Variants in ANK2 observed in about 807,000 individuals in gnomAD.
The protein encoded by ANK2 is ankyrin-2.
In ANK2, 83 loss-of-function variants were observed where a neutral mutation model predicts 360.5. The ratio of observed to expected loss-of-function variants is 0.23; its 90% CI spans 0.19 to 0.28. ANK2 has a LOEUF of 0.28. ANK2 is among the 10% of genes least tolerant of loss of function. The pLI, the probability that ANK2 is intolerant of heterozygous loss-of-function variation, is 1.00. For synonymous variants in ANK2, 1,740 were observed against 1,759.5 expected (o/e 0.99, Z 0.28); for missense variants, 4,201 against 4,795.7 (o/e 0.88, Z 3.66).
chr4:113,216,533 C>G (rs952994445), intron 4 of ANK2, among the ~76,000 whole-genome samples: 1 of 152,168 alleles, frequency 6.6e-6, no homozygotes, highest in Non-Finnish European at 1.5e-5. Context: ...GCAATTAGGC[C>G]TGTTAGGGCA....
intron 10 of ANK2, among the ~76,000 whole-genome samples, chr4:113,253,887 C>T (rs1213664571): frequency 6.6e-6 from 1 of 152,202 alleles, no homozygotes; most frequent in Non-Finnish European, 1.5e-5. Flanking sequence ...GAGTAAAAGT[C>T]AAACCTGCAA....
At chr4:112,972,968 A>G (rs774400984) in intron 2 of ANK2, among the ~76,000 whole-genome samples, 1 of 152,160 alleles carries the variant, frequency 6.6e-6, no homozygotes, top group African/African-American at 2.4e-5. Flanking sequence ...GAGCTAAGCT[A>G]TGAGGATGCA....
At chr4:113,029,580 TC>T (rs1480134754) in intron 2 of ANK2, among the ~76,000 whole-genome samples, 1 of 152,034 alleles carries the variant, frequency 6.6e-6, no homozygotes, top group Non-Finnish European at 1.5e-5. Flanking sequence ...CCGGAGTTCT[TC>T]TTTAGAAAAT....
the ANK2 span, among the ~76,000 whole-genome samples, chr4:112,789,549 T>C: frequency 6.6e-6 from 1 of 152,240 alleles, no homozygotes; most frequent in Non-Finnish European, 1.5e-5. Context: ...CTTATATTTA[T>C]TAACTTAGAA....
At chr4:113,177,654 C>T (rs971988684) in intron 2 of ANK2, among the ~76,000 whole-genome samples, 6 of 152,306 alleles carry the variant, frequency 3.9e-5, no homozygotes, top group African/African-American at 1.2e-4. Context: ...ATACTCAATT[C>T]TTATCATATT....
At chr4:113,021,541 C>CACACACATATATATATAT (rs1489947974) in intron 2 of ANK2, among the ~76,000 whole-genome samples, 4 of 95,572 alleles carry the variant, frequency 4.2e-5, no homozygotes, top group African/African-American at 1.5e-4. Flanking sequence ...CACACACAAA[C>CACACACATATATATATAT]ATATATATAT....
chr4:113,283,382 A>G (rs186755764), intron 18 of ANK2, among the ~76,000 whole-genome samples: 35 of 152,236 alleles, frequency 2.3e-4, no homozygotes, highest in African/African-American at 8.2e-4. Flanking sequence ...GAGAGAGGAA[A>G]CTCAATAAAA....
Position 113,102,873 on chromosome 4 carries a change from C to A in ANK2, c.84+53061C>A, listed in dbSNP as rs577169544. ...AGGACTAACTTCATTTTCAGTTCCT[C>A]TTCACTTTCCCAAGTTATTTTCCTA... is the stretch of plus-strand genomic sequence containing the variant. On this transcript the variant is annotated intron_variant, in intron 1 of 45. Transcript: ENST00000357077. 3.7e-4 allele frequency among the ~76,000 whole-genome samples: 57 copies of A among 152,226 alleles called. No homozygotes were observed. In the Middle Eastern group the frequency reaches 0.01, roughly 27 times the overall value.
chr4:113,173,787 A>G (rs1350068985), intron 1 of ANK2, among the ~76,000 whole-genome samples: 1 of 152,160 alleles, frequency 6.6e-6, no homozygotes, highest in African/African-American at 2.4e-5. Flanking sequence ...TTTAAATTTA[A>G]TCATGTTTAT....
In ANK2 at chr4:113,341,697, G is replaced by A. The variant is rs2153978945; in HGVS notation, c.3903G>A (p.Leu1301=). The part of the protein sequence containing the change: ...FTTNVSARFW[L]IDCRQIQESV... ...TTATTTATTTTAATAGGTTCTGGCT[G>A]ATAGATTGTCGACAGATCCAGGAAT... The change falls in exon 33 of 46, where the codon CTG becomes CTA. Residue 1301 remains leucine (L), a synonymous_variant. Coordinates refer to ENST00000357077, the MANE Select transcript of ANK2 (RefSeq NM_001148.6). 1 of 1,614,112 alleles carries A rather than the reference G, an allele frequency of 6.2e-7. No individual in the cohort carries two copies. Among genetic ancestry groups the A allele is most frequent in the Non-Finnish European group, 8.5e-7 (1 of 1,179,976 alleles).
intron 24 of ANK2, among the ~76,000 whole-genome samples, chr4:113,314,654 A>AAATTATTCC (rs1206766647): frequency 2.0e-5 from 3 of 152,218 alleles, no homozygotes; most frequent in African/African-American, 7.2e-5. Flanking sequence ...CCAAGGGCTT[A>AAATTATTCC]AATTATTCCA....
chr4:113,057,336 A>G lies in ANK2; in HGVS notation c.84+7524A>G, dbSNP rs138469611. On this transcript the variant is annotated intron_variant, in intron 1 of 45. Coordinates refer to ENST00000357077, the MANE Select transcript of ANK2 (RefSeq NM_001148.6). ...GAGTAAACCCTATGAGTGGGTGAAC[A>G]GTAGTACAGAGCCGTAAGTTATGGC... Among the ~76,000 whole-genome samples the G allele has an allele frequency of 1.2e-3, 188 of 152,338 alleles. 1 individual carries two copies. The highest frequency in any genetic ancestry group is 6.8e-3 in the Middle Eastern group (2 of 294).
intron 2 of ANK2, among the ~76,000 whole-genome samples, chr4:112,941,332 A>G (rs1212870542): frequency 6.8e-6 from 1 of 146,704 alleles, no homozygotes; most frequent in East Asian, 2.0e-4. Flanking sequence ...ATATAAATAT[A>G]CTACATATAA....
rs747756646 is a variant in ANK2 at position 113,354,419 on chromosome 4, A to G, written c.5801A>G (p.Glu1934Gly). Reference sequence around the variant, plus strand: ...CCGCCAGTATCGCCTGGGAGAACAGAAAAACGCTTGCCTGTTTCACCCTCC... The same window carrying G: ...CCGCCAGTATCGCCTGGGAGAACAGGAAAACGCTTGCCTGTTTCACCCTCC... ...KHPPVSPGRT[E>G]KRLPVSPSGR... The change falls in exon 38 of 46, where the codon GAA becomes GGA. Residue 1934 changes from glutamate (E) to glycine (G), a missense_variant. Around this residue, in one of 4 missense-constraint regions of ANK2, gnomAD observed 2,642 missense variants for 2,714.5 expected, o/e 0.97. Transcript: ENST00000357077. 9 of 1,613,980 alleles carry G rather than the reference A, an allele frequency of 5.6e-6. No individual in the cohort carries two copies. Among genetic ancestry groups the G allele is most frequent in the Non-Finnish European group, 7.6e-6 (9 of 1,179,996 alleles).
intron 1 of ANK2, among the ~76,000 whole-genome samples, chr4:112,839,154 C>T (rs1283714047): frequency 6.6e-6 from 1 of 152,190 alleles, no homozygotes; most frequent in Non-Finnish European, 1.5e-5. Flanking sequence ...TAGAGCTAGC[C>T]TTTCTCAGCA....
At chr4:112,753,669 A>AC in the ANK2 span, among the ~76,000 whole-genome samples, 1 of 152,022 alleles carries the variant, frequency 6.6e-6, no homozygotes, top group African/African-American at 2.4e-5. Context: ...CATGAGAGTG[A>AC]CCTCTGGTTA....
chr4:113,277,795 C>T (rs773052857), intron 15 of ANK2, 42 bp from the exon 16 acceptor site: 22 of 1,509,932 alleles, frequency 1.5e-5, no homozygotes, highest in Non-Finnish European at 1.6e-5. Context: ...TGAGGAGTTA[C>T]AACAATAAAT....
intron 1 of ANK2, among the ~76,000 whole-genome samples, chr4:112,850,077 C>G (rs2064301827): frequency 6.6e-6 from 1 of 152,106 alleles, no homozygotes; most frequent in African/African-American, 2.4e-5. Context: ...CACTGGATCC[C>G]TTACCCCCAC....
At chr4:112,765,694 G>A in the ANK2 span, among the ~76,000 whole-genome samples, 2 of 122,336 alleles carry the variant, frequency 1.6e-5, no homozygotes, top group African/African-American at 6.3e-5. Flanking sequence ...CTTCTGACAT[G>A]TCTTTTAGAT....
Sources: allele counts gnomAD v4.1 joint callset (sites outside exome capture counted in the v4.1 genomes callset), GRCh38; gene constraint gnomAD v4.1.1; regional missense constraint gnomAD v4.1.1; transcripts MANE v1.5; gene names NCBI Gene and HGNC (gene_info 2026-07-23, HGNC 2026-07-21).